The following GUCY1A2 variants were observed in gnomAD, a reference collection of about 807,000 sequenced individuals.
GUCY1A2 encodes the protein guanylate cyclase soluble subunit alpha-2.
In GUCY1A2, 27 loss-of-function variants were observed where a neutral mutation model predicts 63.5. The ratio of observed to expected loss-of-function variants is 0.43; its 90% CI spans 0.31 to 0.59. GUCY1A2 has a LOEUF of 0.59. Ranked by LOEUF, GUCY1A2 falls within the 20% of genes least tolerant of loss-of-function variation. GUCY1A2 has a pLI of 0.11. For missense variants in GUCY1A2, 768 were observed against 913.3 expected (o/e 0.84, Z 2.05); for synonymous variants, 364 against 343.5 (o/e 1.06, Z -0.66).
At chr11:106,911,541 C>T (rs755701370) in intron 4 of GUCY1A2, among the ~76,000 whole-genome samples, 2 of 151,988 alleles carry the variant, frequency 1.3e-5, no homozygotes, top group Non-Finnish European at 2.9e-5. Context: ...TCCTTAAATT[C>T]GACAATTATC....
intron 4 of GUCY1A2, among the ~76,000 whole-genome samples, chr11:106,821,140 T>C (rs553190154): frequency 4.6e-5 from 7 of 152,280 alleles, no homozygotes; most frequent in African/African-American, 1.2e-4. Context: ...TTAAAGGAAA[T>C]ACGTCTATGC....
intron 4 of GUCY1A2, among the ~76,000 whole-genome samples, chr11:106,900,655 T>C (rs771939403): frequency 6.6e-6 from 1 of 152,196 alleles, no homozygotes; most frequent in Non-Finnish European, 1.5e-5. Context: ...TGTACAGGCA[T>C]AGCTCAGAGA....
At chr11:106,778,218 T>G (rs1864394318) in intron 5 of GUCY1A2, among the ~76,000 whole-genome samples, 1 of 152,202 alleles carries the variant, frequency 6.6e-6, no homozygotes, top group Non-Finnish European at 1.5e-5. Flanking sequence ...AAAATTGTAC[T>G]AAATGCACAA....
intron 4 of GUCY1A2, among the ~76,000 whole-genome samples, chr11:106,922,939 C>T (rs1417515207): frequency 6.6e-6 from 1 of 151,534 alleles, no homozygotes. Flanking sequence ...ACTAGGGACT[C>T]GAGGTCAAAA....
chr11:106,983,865 T>C (rs920971600), intron 2 of GUCY1A2, among the ~76,000 whole-genome samples: 9 of 152,190 alleles, frequency 5.9e-5, no homozygotes, highest in South Asian at 2.1e-4. Context: ...TCCCTTTAAC[T>C]GTAAGAAACA....
At chr11:106,814,449 C>A (rs1858804749) in intron 4 of GUCY1A2, among the ~76,000 whole-genome samples, 1 of 152,092 alleles carries the variant, frequency 6.6e-6, no homozygotes, top group East Asian at 1.9e-4. Flanking sequence ...CTTCCATGTT[C>A]TTAATGTCCT....
chr11:106,847,268 G>C (rs541220861), intron 4 of GUCY1A2, among the ~76,000 whole-genome samples: 24 of 145,606 alleles, frequency 1.6e-4, no homozygotes, highest in Non-Finnish European at 3.0e-4. Flanking sequence ...AAAAAATTGT[G>C]GTTTTTATAA....
chr11:106,936,727 T>TCCTCA, intron 4 of GUCY1A2: 1 of 1,505,980 alleles, frequency 6.6e-7, no homozygotes, highest in Non-Finnish European at 8.9e-7. Flanking sequence ...ATTTTTTTTT[T>TCCTCA]TTATGGCAGA....
At chr11:106,723,173 G>C (rs1434759149) in intron 6 of GUCY1A2, among the ~76,000 whole-genome samples, 3 of 152,118 alleles carry the variant, frequency 2.0e-5, no homozygotes, top group Admixed American at 1.3e-4. Context: ...CATCACCACA[G>C]AGGCCCAGCT....
chr11:106,747,629 C>T (rs1863812933), intron 6 of GUCY1A2, among the ~76,000 whole-genome samples: 1 of 152,160 alleles, frequency 6.6e-6, no homozygotes, highest in South Asian at 2.1e-4. Flanking sequence ...TTTATCCACC[C>T]CTTTTGGGGT....
chr11:106,819,295 AGCACAGAG>A (rs1276454380), intron 4 of GUCY1A2, among the ~76,000 whole-genome samples: 3 of 152,224 alleles, frequency 2.0e-5, no homozygotes, highest in Admixed American at 2.0e-4. Flanking sequence ...TTGATAAAGC[AGCACAGAG>A]TTTGAGAAGA....
chr11:106,691,629 T>A (rs1323702224), intron 7 of GUCY1A2, among the ~76,000 whole-genome samples: 3 of 152,216 alleles, frequency 2.0e-5, no homozygotes, highest in African/African-American at 7.2e-5. Context: ...TTTTAAATAA[T>A]TCACTGCACA....
chr11:106,999,748 G>A (rs1861588749), intron 1 of GUCY1A2, among the ~76,000 whole-genome samples: 1 of 152,030 alleles, frequency 6.6e-6, no homozygotes, highest in South Asian at 2.1e-4. Context: ...CAATGGAATT[G>A]TTAATTTCTA....
intron 4 of GUCY1A2, among the ~76,000 whole-genome samples, chr11:106,884,317 A>G (rs187275689): frequency 1.3e-5 from 2 of 152,310 alleles, no homozygotes; most frequent in East Asian, 3.9e-4. Flanking sequence ...TGCACAGTGA[A>G]TATGTCAAAA....
chr11:106,731,134 T>C (rs1295651366), intron 6 of GUCY1A2, among the ~76,000 whole-genome samples: 2 of 152,262 alleles, frequency 1.3e-5, no homozygotes, highest in East Asian at 1.9e-4. Context: ...TTCGTTGCAA[T>C]TGTTTTTGGC....
chr11:106,777,535 A>G (rs564787817), intron 5 of GUCY1A2, among the ~76,000 whole-genome samples: 3 of 152,130 alleles, frequency 2.0e-5, no homozygotes, highest in South Asian at 4.1e-4. Context: ...TTGCAGGGAC[A>G]TGGTTGAAGC....
intron 4 of GUCY1A2, among the ~76,000 whole-genome samples, chr11:106,873,427 A>G (rs980309234): frequency 1.3e-5 from 2 of 152,158 alleles, no homozygotes; most frequent in Non-Finnish European, 2.9e-5. Context: ...CCTCACCAGC[A>G]TCAAATGTTT....
At chr11:106,759,608 C>G (rs1206993058) in intron 6 of GUCY1A2, among the ~76,000 whole-genome samples, 1 of 152,122 alleles carries the variant, frequency 6.6e-6, no homozygotes, top group African/African-American at 2.4e-5. Flanking sequence ...GTAGGGGGGA[C>G]CCCCCAATCC....
At chr11:107,017,710 T>TTC in intron 1 of GUCY1A2, 43 bp downstream of exon 1, 1 of 1,196,816 alleles carries the variant, frequency 8.4e-7, no homozygotes. Flanking sequence ...CAGATCCGCG[T>TTC]TCTCTCCCCC....
Sources: gnomAD v4.1 joint callset for allele counts (sites outside exome capture counted in the v4.1 genomes callset) on GRCh38, gnomAD v4.1.1 for gene constraint, MANE v1.5 for transcripts, NCBI Gene and HGNC (gene_info 2026-07-23, HGNC 2026-07-21) for gene names.